CCDC192: variants seen among roughly 807,000 people sequenced by gnomAD.
The protein encoded by CCDC192 is coiled-coil domain containing 192.
Position 127,808,633 on chromosome 5 carries a change from C to G in CCDC192, c.411+10471C>G, listed in dbSNP as rs376131580. 1.2e-4 allele frequency among the ~76,000 whole-genome samples: 18 copies of G among 152,286 alleles called. No homozygotes were observed. In the East Asian group the frequency reaches 3.5e-3, roughly 29 times the overall value. On this transcript the variant is annotated intron_variant, in intron 5 of 6. Transcript: ENST00000514853. Reference sequence around the variant, plus strand: ...GCCTCCATCCCTTTGCAGAGTGAGTCTTTCCCTCTGCTCCATCCACTACTT... The same window carrying G: ...GCCTCCATCCCTTTGCAGAGTGAGTGTTTCCCTCTGCTCCATCCACTACTT...
intron 6 of CCDC192, among the ~76,000 whole-genome samples, chr5:127,936,444 C>T (rs1188651905): frequency 2.0e-5 from 3 of 152,178 alleles, no homozygotes; most frequent in Non-Finnish European, 4.4e-5. Flanking sequence ...CAGCCGAAGG[C>T]AGAATGCTGG....
chr5:127,935,561 A>G (rs1263242678), intron 6 of CCDC192: 1 of 152,158 alleles, frequency 6.6e-6, no homozygotes, highest in Non-Finnish European at 1.5e-5. Context: ...TCGTGAAGCA[A>G]TGTTTTCACA....
intron 2 of CCDC192, among the ~76,000 whole-genome samples, chr5:127,740,607 A>AT (rs1173415776): frequency 6.6e-6 from 1 of 152,152 alleles, no homozygotes; most frequent in African/African-American, 2.4e-5. Context: ...AATTTTTTAA[A>AT]TTTTTTAAAA....
At chr5:127,717,928 CA>C in intron 2 of CCDC192, among the ~76,000 whole-genome samples, 35,415 of 97,830 alleles carry the variant, frequency 0.36, 4,356 homozygotes, top group Middle Eastern at 0.41. Flanking sequence ...TAAAGCTAGA[CA>C]AAAAAAAAAA....
intron 1 of CCDC192, among the ~76,000 whole-genome samples, chr5:127,707,144 A>C (rs1751014120): frequency 6.6e-6 from 1 of 152,196 alleles, no homozygotes; most frequent in Non-Finnish European, 1.5e-5. Context: ...TTAGCAAAAA[A>C]GAAAGAAAAC....
At chr5:127,769,380 A>G (rs934728372) in intron 3 of CCDC192, among the ~76,000 whole-genome samples, 1 of 151,978 alleles carries the variant, frequency 6.6e-6, no homozygotes, top group African/African-American at 2.4e-5. Flanking sequence ...CATTCAAATG[A>G]CAATATCAAA....
At chr5:127,930,518 A>G (rs1289074138) in intron 6 of CCDC192, among the ~76,000 whole-genome samples, 2 of 152,162 alleles carry the variant, frequency 1.3e-5, no homozygotes, top group Admixed American at 1.3e-4. Flanking sequence ...GTGGGAGGAG[A>G]CTTCAGGTCC....
At chr5:127,806,318 T>C (rs1757777530) in intron 5 of CCDC192, among the ~76,000 whole-genome samples, 1 of 152,090 alleles carries the variant, frequency 6.6e-6, no homozygotes, top group East Asian at 1.9e-4. Context: ...TATTTTCCCC[T>C]TTCTGATCAG....
At chr5:127,877,301 A>C (rs1205880003) in intron 6 of CCDC192, among the ~76,000 whole-genome samples, 1 of 152,120 alleles carries the variant, frequency 6.6e-6, no homozygotes, top group East Asian at 1.9e-4. Flanking sequence ...GGGATAGGGA[A>C]GAAAACATTA....
intron 5 of CCDC192, among the ~76,000 whole-genome samples, chr5:127,872,896 A>G (rs1832236713): frequency 6.6e-6 from 1 of 152,216 alleles, no homozygotes; most frequent in African/African-American, 2.4e-5. Flanking sequence ...ATATACAAAT[A>G]TATAATAGTA....
chr5:127,733,572 A>T (rs1355885348), intron 2 of CCDC192, among the ~76,000 whole-genome samples: 3 of 152,200 alleles, frequency 2.0e-5, no homozygotes, highest in Non-Finnish European at 4.4e-5. Flanking sequence ...AGGGGAAAGA[A>T]TTATTGGAAA....
rs140974312 is a variant in CCDC192 at position 127,816,235 on chromosome 5, G to T, written c.411+18073G>T. Reference sequence around the variant, plus strand: ...TATAATTAGCATTAAACATTACAAAGGGTTCAAATTGCATCAGTAAAGCTT... The same window carrying T: ...TATAATTAGCATTAAACATTACAAATGGTTCAAATTGCATCAGTAAAGCTT... On this transcript the variant is annotated intron_variant, in intron 5 of 6. Coordinates refer to ENST00000514853, the MANE Select transcript of CCDC192 (RefSeq NM_001317938.2). 2.9e-3 allele frequency among the ~76,000 whole-genome samples: 446 copies of T among 152,260 alleles called. 3 individuals carry two copies. Among genetic ancestry groups the T allele is most frequent in the African/African-American group, 9.9e-3 (411 of 41,560 alleles).
chr5:127,857,359 T>C (rs1396498800), intron 5 of CCDC192, among the ~76,000 whole-genome samples: 1 of 152,150 alleles, frequency 6.6e-6, no homozygotes, highest in African/African-American at 2.4e-5. Context: ...TAATGTTAAC[T>C]CTCTAGATCC....
intron 2 of CCDC192, among the ~76,000 whole-genome samples, chr5:127,752,500 C>G (rs1754256891): frequency 6.6e-6 from 1 of 152,188 alleles, no homozygotes; most frequent in Non-Finnish European, 1.5e-5. Context: ...ACTGGAAGAA[C>G]CACTGCTCTC....
At chr5:127,853,954 C>A (rs1171908170) in intron 5 of CCDC192, among the ~76,000 whole-genome samples, 2 of 152,148 alleles carry the variant, frequency 1.3e-5, no homozygotes, top group Admixed American at 6.5e-5. Context: ...TTCACCCCAC[C>A]CTTTCAATGA....
chr5:127,779,521 TC>T (rs1163122647), intron 3 of CCDC192, among the ~76,000 whole-genome samples: 2 of 152,036 alleles, frequency 1.3e-5, no homozygotes, highest in Non-Finnish European at 2.9e-5. Flanking sequence ...AGTCTCGATC[TC>T]CTGACCCTGT....
intron 6 of CCDC192, among the ~76,000 whole-genome samples, chr5:127,911,993 C>T (rs1378634295): frequency 6.6e-6 from 1 of 151,948 alleles, no homozygotes; most frequent in Admixed American, 6.6e-5. Flanking sequence ...GCAATCTGGG[C>T]TCACTGCAAC....
chr5:127,864,953 C>T (rs1163546420), intron 5 of CCDC192, among the ~76,000 whole-genome samples: 2 of 152,156 alleles, frequency 1.3e-5, no homozygotes, highest in Non-Finnish European at 2.9e-5. Flanking sequence ...TGAGGCCATC[C>T]TGGCTAACAT....
intron 5 of CCDC192, among the ~76,000 whole-genome samples, chr5:127,814,562 T>G (rs1393287842): frequency 6.6e-6 from 1 of 152,228 alleles, no homozygotes; most frequent in Non-Finnish European, 1.5e-5. Flanking sequence ...GTTTAATGCT[T>G]ATAAATGTGT....
Sources: allele counts gnomAD v4.1 joint callset (sites outside exome capture counted in the v4.1 genomes callset), GRCh38; gene constraint gnomAD v4.1.1; transcripts MANE v1.5; gene names NCBI Gene and HGNC (gene_info 2026-07-23, HGNC 2026-07-21).